Variants in ATP8A2 observed in about 807,000 individuals in gnomAD.
ATP8A2 encodes the protein ATPase phospholipid transporting 8A2.
Under a neutral mutation model 165.6 loss-of-function variants are expected in ATP8A2, and 100 were observed. The observed-to-expected ratio is 0.60, with a 90% CI of 0.51 to 0.71. The LOEUF (loss-of-function observed/expected upper bound fraction) is 0.71, where lower values mean the gene tolerates loss of function less well. ATP8A2 is among the 30% of genes least tolerant of loss of function. The probability of loss-of-function intolerance (pLI) is 0.00; values close to 1 mark genes in which losing one functional copy is unlikely to be tolerated. For missense variants in ATP8A2, 1,227 were observed against 1,479.5 expected (o/e 0.83, Z 2.80); for synonymous variants, 543 against 548.8 (o/e 0.99, Z 0.15).
At chr13:25,531,307 G>GAT (rs570476612) in intron 4 of ATP8A2, among the ~76,000 whole-genome samples, 14,358 of 110,918 alleles carry the variant, frequency 0.13, 1,227 homozygotes, top group Non-Finnish European at 0.19. Context: ...TGTTATATAT[G>GAT]ATATATATGT....
intron 33 of ATP8A2, among the ~76,000 whole-genome samples, chr13:25,925,918 GT>G (rs1408610386): frequency 2.0e-5 from 3 of 151,980 alleles, no homozygotes; most frequent in African/African-American, 7.2e-5. Flanking sequence ...TAGAGACGAG[GT>G]TTCTCCATAT....
At chr13:25,982,856 A>G (rs964487459) in intron 35 of ATP8A2, among the ~76,000 whole-genome samples, 11 of 152,212 alleles carry the variant, frequency 7.2e-5, no homozygotes, top group Admixed American at 2.0e-4. Context: ...TCCATTAGGC[A>G]TAGCAGACAT....
chr13:25,974,770 C>G (rs961491607), intron 35 of ATP8A2, among the ~76,000 whole-genome samples: 1 of 152,106 alleles, frequency 6.6e-6, no homozygotes, highest in Admixed American at 6.5e-5. Context: ...CCACACTGTC[C>G]CCTCATGTCC....
chr13:25,596,741 AG>A (rs2040245922), intron 24 of ATP8A2, among the ~76,000 whole-genome samples: 1 of 152,154 alleles, frequency 6.6e-6, no homozygotes, highest in Non-Finnish European at 1.5e-5. Flanking sequence ...GTTCTGTGCA[AG>A]TTTTGGTGAA....
chr13:25,391,487 T>C (rs994726633), intron 1 of ATP8A2, among the ~76,000 whole-genome samples: 2 of 152,170 alleles, frequency 1.3e-5, no homozygotes, highest in Admixed American at 6.5e-5. Context: ...ATAATCCCTT[T>C]CCCCAAGAAG....
intron 24 of ATP8A2, among the ~76,000 whole-genome samples, chr13:25,648,569 C>T (rs1236143044): frequency 2.6e-5 from 4 of 152,046 alleles, no homozygotes. Context: ...GAGTCTGAGG[C>T]AGGAGAATTG....
chr13:25,699,137 C>CA (rs781659834), intron 24 of ATP8A2, 36 bp from the exon 25 acceptor site: 18 of 1,458,164 alleles, frequency 1.2e-5, no homozygotes, highest in South Asian at 3.1e-5. Flanking sequence ...ATTAAACACA[C>CA]AAAAAATGTG....
At chr13:25,413,929 C>G (rs1157024767) in intron 1 of ATP8A2, among the ~76,000 whole-genome samples, 1 of 151,894 alleles carries the variant, frequency 6.6e-6, no homozygotes, top group Non-Finnish European at 1.5e-5. Flanking sequence ...GACTGAAAAT[C>G]TTCAATAGTT....
At chr13:25,773,093 A>G (rs570862615) in intron 26 of ATP8A2, among the ~76,000 whole-genome samples, 4 of 152,280 alleles carry the variant, frequency 2.6e-5, no homozygotes, top group Non-Finnish European at 4.4e-5. Flanking sequence ...GTCATCTGAA[A>G]TTAATAAGAA....
chr13:25,822,718 C>T (rs1951213540), intron 27 of ATP8A2, among the ~76,000 whole-genome samples: 1 of 152,070 alleles, frequency 6.6e-6, no homozygotes, highest in African/African-American at 2.4e-5. Flanking sequence ...AGTTTTCTTT[C>T]AACTTTGTTA....
In ATP8A2 at chr13:25,425,831, CT is replaced by C. The variant is rs1281235747; in HGVS notation, c.77-43145del. ...GACCTTGTGATCCGCCCGCCTCCGCCTCCCAGAGTGCTGGGATTACAGGCGT... is the reference window on the plus strand; with the variant it reads ...GACCTTGTGATCCGCCCGCCTCCGCCCCCAGAGTGCTGGGATTACAGGCGT... On this transcript the variant is annotated intron_variant, in intron 1 of 36. Transcript: ENST00000381655. Among the ~76,000 whole-genome samples, 3 of 152,334 alleles carry C rather than the reference CT, an allele frequency of 2.0e-5. No homozygotes were observed. The East Asian group carries it at 5.8e-4, about 29-fold the overall frequency.
chr13:25,895,110 G>A (rs1403681575), intron 33 of ATP8A2, among the ~76,000 whole-genome samples: 2 of 152,158 alleles, frequency 1.3e-5, no homozygotes, highest in East Asian at 3.8e-4. Flanking sequence ...CCTGTCTTGT[G>A]CCATTTTTCA....
chr13:25,450,408 C>T (rs2138232575), intron 1 of ATP8A2, among the ~76,000 whole-genome samples: 1 of 152,318 alleles, frequency 6.6e-6, no homozygotes, highest in South Asian at 2.1e-4. Flanking sequence ...ACACTGGCTT[C>T]CACAATGGCT....
At chr13:25,990,081 G>C (rs533951126) in intron 35 of ATP8A2, among the ~76,000 whole-genome samples, 1 of 152,298 alleles carries the variant, frequency 6.6e-6, no homozygotes, top group African/African-American at 2.4e-5. Flanking sequence ...GGTGCTCCCA[G>C]GAGCCTCTGG....
rs1034894933 is a variant in ATP8A2, at chr13:25,699,112, T to C, written c.2212-61T>C. ...TTTCAAGAAACTTAATTTTGAATTCTATTTTGTTTTTGATATTAAACACAC... is the reference window on the plus strand; with the variant it reads ...TTTCAAGAAACTTAATTTTGAATTCCATTTTGTTTTTGATATTAAACACAC... On this transcript the variant is annotated intron_variant, in intron 24 of 36. Coordinates refer to ENST00000381655, the MANE Select transcript of ATP8A2 (RefSeq NM_016529.6). The C allele has an allele frequency of 3.6e-5, 47 of 1,299,466 alleles. No homozygotes were observed. The African/African-American group carries it at 5.4e-4, about 15-fold the overall frequency. The allele number at this position is 1,299,466 out of a possible 1,614,324, so 80.5% of individuals were successfully genotyped here.
chr13:25,908,187 G>A (rs933242509), intron 33 of ATP8A2, among the ~76,000 whole-genome samples: 3 of 152,130 alleles, frequency 2.0e-5, no homozygotes, highest in African/African-American at 7.2e-5. Flanking sequence ...CTACCGAGGC[G>A]TGCTTTCTTT....
chr13:25,658,217 A>T (rs2041975699), intron 24 of ATP8A2, among the ~76,000 whole-genome samples: 1 of 152,162 alleles, frequency 6.6e-6, no homozygotes, highest in African/African-American at 2.4e-5. Flanking sequence ...TTACTTGAAA[A>T]CTTAGAATTT....
At chr13:25,578,750 C>T (rs1365114013) in intron 20 of ATP8A2, 65 bp from the exon 21 acceptor site, 3 of 917,916 alleles carry the variant, frequency 3.3e-6, no homozygotes, top group Non-Finnish European at 5.5e-6. Flanking sequence ...CAAAGCCATG[C>T]TTAGTATGCT....
intron 2 of ATP8A2, among the ~76,000 whole-genome samples, chr13:25,488,062 A>G (rs2036407190): frequency 6.6e-6 from 1 of 152,196 alleles, no homozygotes; most frequent in Admixed American, 6.5e-5. Flanking sequence ...TTCAGATGCA[A>G]AAATGCCTAG....
Sources: allele counts gnomAD v4.1 joint callset (sites outside exome capture counted in the v4.1 genomes callset), GRCh38; gene constraint gnomAD v4.1.1; transcripts MANE v1.5; gene names NCBI Gene and HGNC (gene_info 2026-07-23, HGNC 2026-07-21).